The following TMEM14C variants were observed in gnomAD, a reference collection of about 807,000 sequenced individuals.
The protein encoded by TMEM14C is transmembrane protein 14C.
Under a neutral mutation model 14.8 loss-of-function variants are expected in TMEM14C, and 13 were observed. That is an observed-to-expected ratio of 0.88 (90% confidence interval 0.57 to 1.40). The LOEUF is 1.40. Ranked by LOEUF, TMEM14C falls within the 40% of genes most tolerant of loss-of-function variation. TMEM14C has a pLI of 0.00. For synonymous variants in TMEM14C, 57 were observed against 51.3 expected, an observed-to-expected ratio of 1.11 and a Z score of -0.48; for missense variants, 142 against 138.8, an observed-to-expected ratio of 1.02 and a Z score of -0.12.
chr6:10,728,686 C>T lies in TMEM14C; in HGVS notation c.246C>T (p.His82=), dbSNP rs779389445. 2 of 1,614,234 alleles carry T rather than the reference C, an allele frequency of 1.2e-6. No individual in the cohort carries two copies. The highest frequency in any genetic ancestry group is 1.7e-6 in the Non-Finnish European group (2 of 1,180,054). ...GCATTATGGGAATGAGGTTCTACCA[C>T]TCTGGAAAATTCATGCCTGCAGGTT... is the stretch of plus-strand genomic sequence containing the variant. ...LAGIMGMRFY[H]SGKFMPAGLI... is the part of the protein sequence containing the mutation. The change falls in exon 5 of 6, where the codon CAC becomes CAT. Residue 82 remains histidine, a synonymous_variant. Coordinates refer to ENST00000229563, the MANE Select transcript of TMEM14C (RefSeq NM_016462.4).
At chr6:10,723,640 C>A (rs906512610) in intron 1 of TMEM14C, among the ~76,000 whole-genome samples, 3 of 144,790 alleles carry the variant, frequency 2.1e-5, no homozygotes, top group Admixed American at 7.2e-5. Flanking sequence ...TGCTCTGTCG[C>A]CCATGCTTGA....
chr6:10,725,851 C>A, intron 3 of TMEM14C, 56 bp from the exon 4 acceptor site: 2 of 1,606,936 alleles, frequency 1.2e-6, no homozygotes, highest in Admixed American at 1.7e-5. Flanking sequence ...TGGGGGATTC[C>A]GTTAGTGAAA....
Position 10,724,557 on chromosome 6 carries a change from T to A in TMEM14C, c.-44-13T>A. 1 of 1,596,706 alleles carries A rather than the reference T, an allele frequency of 6.3e-7. No homozygotes were observed. The highest frequency in any genetic ancestry group is 8.6e-7 in the Non-Finnish European group (1 of 1,166,314). ...TGCTTTTAACTACCTCTGATCCAGC[T>A]TGTTTTCTGCAGGTGCAGGCCTGGG... On this transcript the variant is annotated splice_polypyrimidine_tract_variant and intron_variant, in intron 1 of 5. Transcript: ENST00000229563.
chr6:10,730,593 C>G (rs2127489542), intron 5 of TMEM14C, 22 bp from the exon 6 acceptor site: 1 of 1,610,456 alleles, frequency 6.2e-7, no homozygotes, highest in South Asian at 1.1e-5. Flanking sequence ...CTGACATTTT[C>G]TATCTTGTTT....
intron 1 of TMEM14C, among the ~76,000 whole-genome samples, chr6:10,724,147 G>A (rs1770783725): frequency 6.6e-6 from 1 of 152,190 alleles, no homozygotes; most frequent in African/African-American, 2.4e-5. Flanking sequence ...CAGCAGGGAT[G>A]AAAAGCAACA....
intron 4 of TMEM14C, 43 bp from the exon 5 acceptor site, chr6:10,728,597 A>G: frequency 6.3e-7 from 1 of 1,599,206 alleles, no homozygotes; most frequent in Non-Finnish European, 8.6e-7. Flanking sequence ...CCTGCGTAGA[A>G]GATGTAATGA....
Position 10,728,689 on chromosome 6 carries a change from T to C in TMEM14C, c.249T>C (p.Ser83=). The change falls in exon 5 of 6, where the codon TCT becomes TCC. Residue 83 remains serine, a synonymous_variant. Coordinates refer to ENST00000229563, the MANE Select transcript of TMEM14C (RefSeq NM_016462.4). The part of the protein sequence containing the change: ...AGIMGMRFYH[S]GKFMPAGLIA... Reference sequence around the variant, plus strand: ...TTATGGGAATGAGGTTCTACCACTCTGGAAAATTCATGCCTGCAGGTTTAA... The same window carrying C: ...TTATGGGAATGAGGTTCTACCACTCCGGAAAATTCATGCCTGCAGGTTTAA... The C allele has an allele frequency of 3.1e-6, 5 of 1,614,244 alleles. No individual in the cohort carries two copies. Among genetic ancestry groups the C allele is most frequent in the Non-Finnish European group, 4.2e-6 (5 of 1,180,054 alleles).
At position 10,730,713 on chromosome 6, in the gene TMEM14C, A is replaced by G. The variant is rs1771000417; in HGVS notation, c.*47A>G. 18 of 1,541,788 alleles carry G rather than the reference A, an allele frequency of 1.2e-5. No individual in the cohort carries two copies. The highest frequency in any genetic ancestry group is 1.6e-5 in the Non-Finnish European group (18 of 1,137,442). ...GACTGATGAAGAATTAAAAATCTGC[A>G]TCTTCCACTATTTTCAATATATTAA... On this transcript the variant is annotated 3_prime_UTR_variant, in exon 6 of 6. Coordinates refer to ENST00000229563, the MANE Select transcript of TMEM14C (RefSeq NM_016462.4).
chr6:10,727,394 T>C (rs1180428568), intron 4 of TMEM14C, among the ~76,000 whole-genome samples: 1 of 152,076 alleles, frequency 6.6e-6, no homozygotes, highest in Non-Finnish European at 1.5e-5. Flanking sequence ...GGCCAGAGTG[T>C]AGTGGCACAA....
At chr6:10,726,112 TA>T in intron 4 of TMEM14C, 104 bp downstream of exon 4, 2 of 1,275,178 alleles carry the variant, frequency 1.6e-6, no homozygotes, top group Non-Finnish European at 2.2e-6. Context: ...ACACTTCACT[TA>T]CGACAATTTC....
At chr6:10,724,927 G>T (rs1346214734) in intron 2 of TMEM14C, 34 bp from the exon 3 acceptor site, 12 of 1,613,344 alleles carry the variant, frequency 7.4e-6, no homozygotes, top group Non-Finnish European at 1.0e-5. Context: ...TTCAAAGCCA[G>T]GTTAGCACTG....
Position 10,730,707 on chromosome 6 carries a change from A to G in TMEM14C, c.*41A>G, listed in dbSNP as rs937885438. On this transcript the variant is annotated 3_prime_UTR_variant, in exon 6 of 6. Coordinates refer to ENST00000229563, the MANE Select transcript of TMEM14C (RefSeq NM_016462.4). ...AGCTTAGACTGATGAAGAATTAAAA[A>G]TCTGCATCTTCCACTATTTTCAATA... 6.4e-7 allele frequency: 1 copy of G among 1,554,082 alleles called. No individual in the cohort carries two copies. The highest frequency in any genetic ancestry group is 8.7e-7 in the Non-Finnish European group (1 of 1,143,864).
rs1414498837 is a variant in TMEM14C at position 10,726,077 on chromosome 6, T to C, written c.199+69T>C. On this transcript the variant is annotated intron_variant, in intron 4 of 5. Coordinates refer to ENST00000229563, the MANE Select transcript of TMEM14C (RefSeq NM_016462.4). ...AATACTCTTTTCCAAAAGACCCTGG[T>C]TTGGTGGGATGGGGTGAGTTCTTCA... 9 of 1,566,554 alleles carry C rather than the reference T, an allele frequency of 5.7e-6. No homozygotes were observed. The Admixed American group carries it at 1.5e-4, about 26-fold the overall frequency.
chr6:10,730,619 C>G lies in TMEM14C; in HGVS notation c.292C>G (p.Leu98Val). ...PAGLIAGASL[L>V]MVAKVGVSMF... ...TATCTTGTTTCTTTTAAACAGTTTG[C>G]TGATGGTCGCCAAAGTTGGAGTTAG... The change falls in exon 6 of 6, where the codon CTG (leucine) becomes GTG (valine). Residue 98 changes from leucine (L) to valine (V), a missense_variant. Transcript: ENST00000229563. The G allele has an allele frequency of 6.2e-7, 1 of 1,612,286 alleles. No individual in the cohort carries two copies. Among genetic ancestry groups the G allele is most frequent in the Non-Finnish European group, 8.5e-7 (1 of 1,178,896 alleles).
At chr6:10,725,742 G>A (rs1034953229) in intron 3 of TMEM14C, among the ~76,000 whole-genome samples, 165 bp from the exon 4 acceptor site, 1 of 152,240 alleles carries the variant, frequency 6.6e-6, no homozygotes, top group Admixed American at 6.5e-5. Flanking sequence ...TCTCTGAGAA[G>A]ATAGCACACT....
chr6:10,728,686 CT>C lies in TMEM14C; in HGVS notation c.247del (p.Ser83LeufsTer9). The C allele has an allele frequency of 6.2e-7, 1 of 1,614,234 alleles. No individual in the cohort carries two copies. Among genetic ancestry groups the C allele is most frequent in the South Asian group, 1.1e-5 (1 of 91,078 alleles). The part of the protein sequence containing the change: ...AGIMGMRFYH[S>X]GKFMPAGLIA... ...GCATTATGGGAATGAGGTTCTACCA[CT>C]CTGGAAAATTCATGCCTGCAGGTTT... On this transcript the variant is annotated frameshift_variant, in exon 5 of 6. Transcript: ENST00000229563. LOFTEE classifies it high-confidence loss of function.
At chr6:10,726,772 C>T (rs931339539) in intron 4 of TMEM14C, among the ~76,000 whole-genome samples, 3 of 152,182 alleles carry the variant, frequency 2.0e-5, no homozygotes, top group African/African-American at 7.2e-5. Context: ...TGTGGGGGAC[C>T]GAAGAGTCCT....
rs568187019 is a variant in TMEM14C at position 10,726,013 on chromosome 6, G to A, written c.199+5G>A. On this transcript the variant is annotated splice_donor_5th_base_variant and intron_variant, in intron 4 of 5. Transcript: ENST00000229563. ...GGAACGTTTGGGTTTTCCTAGGTAT[G>A]TCTGCTTTGGCGTCTCCTTAGGGCA... The A allele has an allele frequency of 9.9e-6, 16 of 1,613,942 alleles. No homozygotes were observed. Among genetic ancestry groups the A allele is most frequent in the Non-Finnish European group, 1.4e-5 (16 of 1,179,960 alleles).
chr6:10,728,913 A>G, intron 5 of TMEM14C, 186 bp downstream of exon 5: 1 of 1,368,768 alleles, frequency 7.3e-7, no homozygotes, highest in Non-Finnish European at 9.9e-7. Flanking sequence ...TGGCATGAGT[A>G]TATCCATTCA....
Sources: gnomAD v4.1 joint callset for allele counts (sites outside exome capture counted in the v4.1 genomes callset) on GRCh38, gnomAD v4.1.1 for gene constraint, MANE v1.5 for transcripts, NCBI Gene and HGNC (gene_info 2026-07-23, HGNC 2026-07-21) for gene names.